The following GRAP2 variants were observed in gnomAD, a reference collection of about 807,000 sequenced individuals.
GRAP2 encodes GRB2-related adapter protein 2.
GRAP2 carries 31 observed loss-of-function variants against 43.5 expected under a neutral mutation model. That is an observed-to-expected ratio of 0.71 (90% CI 0.54 to 0.96). GRAP2 has a LOEUF of 0.96. Ranked by LOEUF, GRAP2 falls within the 40% of genes least tolerant of loss-of-function variation. The probability of loss-of-function intolerance (pLI) is 0.00; values close to 1 mark genes in which losing one functional copy is unlikely to be tolerated. For synonymous variants in GRAP2, 156 were observed against 164.8 expected (o/e 0.95, Z 0.41); for missense variants, 371 against 424.4 (o/e 0.87, Z 1.11).
chr22:39,905,082 G>A (rs1345064605), intron 1 of GRAP2, among the ~76,000 whole-genome samples: 1 of 152,116 alleles, frequency 6.6e-6, no homozygotes, highest in African/African-American at 2.4e-5. Context: ...TAGTGATCTT[G>A]CTCAGAGGAT....
intron 6 of GRAP2, chr22:39,968,477 ACACT>A (rs2067200797): frequency 3.5e-6 from 2 of 573,912 alleles, no homozygotes; most frequent in Admixed American, 3.1e-5. Context: ...ACACACACAC[ACACT>A]GTCTCACACA....
intron 2 of GRAP2, among the ~76,000 whole-genome samples, chr22:39,955,095 A>C (rs1447517456): frequency 1.3e-5 from 2 of 152,244 alleles, no homozygotes; most frequent in Admixed American, 6.5e-5. Flanking sequence ...CTGGTGGCTC[A>C]CGCCTGTAAT....
chr22:39,898,766 T>C (rs1449801598), upstream of GRAP2, among the ~76,000 whole-genome samples: 1 of 152,152 alleles, frequency 6.6e-6, no homozygotes, highest in African/African-American at 2.4e-5. Context: ...TGAGCCAAGA[T>C]TGCGTCACTG....
At chr22:39,970,778 G>C in intron 7 of GRAP2, 127 bp from the exon 8 acceptor site, 1 of 860,924 alleles carries the variant, frequency 1.2e-6, no homozygotes, top group Non-Finnish European at 1.7e-6. Flanking sequence ...TTTTTAAGCT[G>C]CAGAGGGGTC....
Position 39,968,197 on chromosome 22 carries a change from G to A in GRAP2, c.615G>A (p.Pro205=), listed in dbSNP as rs368460378. The A allele has an allele frequency of 5.0e-6, 8 of 1,609,652 alleles. No individual in the cohort carries two copies. Among genetic ancestry groups the A allele is most frequent in the East Asian group, 4.5e-5 (2 of 44,776 alleles). ...LQQHQHQPQP[P]QYAPAPQQLQ... The stretch of plus-strand genomic sequence containing the variant: ...AGCACCAGCACCAGCCACAGCCTCC[G>A]CAATATGCCCCAGCGCCCCAGCAGC... The change falls in exon 6 of 8, where the codon CCG becomes CCA. Residue 205 remains proline (P), a synonymous_variant. Transcript: ENST00000344138.
At chr22:39,899,496 A>C (rs1377454655), upstream of GRAP2, among the ~76,000 whole-genome samples, 1 of 152,222 alleles carries the variant, frequency 6.6e-6, no homozygotes, top group African/African-American at 2.4e-5. Flanking sequence ...CAGTGTAATG[A>C]TCCAAGAAGG....
intron 1 of GRAP2, among the ~76,000 whole-genome samples, chr22:39,934,807 G>A (rs1304344328): frequency 6.6e-6 from 1 of 151,948 alleles, no homozygotes; most frequent in East Asian, 1.9e-4. Flanking sequence ...GGAGGTCAAG[G>A]CTACAGTGAC....
At position 39,951,922 on chromosome 22, in the gene GRAP2, T is replaced by C. The variant is rs147750831; in HGVS notation, c.79-3897T>C. Among the ~76,000 whole-genome samples the C allele has an allele frequency of 3.1e-3, 478 of 152,074 alleles. 4 individuals carry two copies. The highest frequency in any genetic ancestry group is 0.014 in the Middle Eastern group (4 of 292). On this transcript the variant is annotated intron_variant, in intron 2 of 7. Coordinates refer to ENST00000344138, the MANE Select transcript of GRAP2 (RefSeq NM_004810.4). ...GGTGGCGGAGAGAAATGGCTGGCAT[T>C]GTGGGATAATCTTTCAGTTTCTAGA...
chr22:39,927,565 G>A (rs182934301), intron 1 of GRAP2, among the ~76,000 whole-genome samples: 103 of 152,290 alleles, frequency 6.8e-4, no homozygotes, highest in East Asian at 1.7e-3. Context: ...GGTCAGGATC[G>A]GATATGAATG....
At chr22:39,925,059 G>A (rs1166552371) in intron 1 of GRAP2, among the ~76,000 whole-genome samples, 1 of 152,198 alleles carries the variant, frequency 6.6e-6, no homozygotes, top group African/African-American at 2.4e-5. Flanking sequence ...GTTACGGCAG[G>A]CAGGGTGGGG....
At chr22:39,910,804 C>T (rs1438627024) in intron 1 of GRAP2, among the ~76,000 whole-genome samples, 2 of 152,030 alleles carry the variant, frequency 1.3e-5, no homozygotes, top group African/African-American at 4.8e-5. Flanking sequence ...CTATTTCACT[C>T]GATCATTTTG....
chr22:39,900,392 A>G (rs1432937518), upstream of GRAP2, among the ~76,000 whole-genome samples: 1 of 152,224 alleles, frequency 6.6e-6, no homozygotes, highest in African/African-American at 2.4e-5. Context: ...AATTTTCTGT[A>G]AAAGATGCAA....
rs971138762 is a variant in GRAP2, at chr22:39,972,367, G to A, written c.*1283G>A. ...TTTGTGGGTATGGGTGTGTACCCCT[G>A]CAGGTGTGCACATGTGTGCTTGCAC... On this transcript the variant is annotated 3_prime_UTR_variant, in exon 8 of 8. Transcript: ENST00000344138. 2 of 152,336 alleles carry A rather than the reference G, an allele frequency of 1.3e-5. No individual in the cohort carries two copies. The highest frequency in any genetic ancestry group is 2.9e-5 in the Non-Finnish European group (2 of 68,088). The allele number at this position is 152,336 out of a possible 1,614,324, so 9.4% of individuals were successfully genotyped here. A position where few individuals can be genotyped will look rare whatever the true frequency, so the allele number is the denominator to read the frequency against.
chr22:39,965,210 C>T (rs1163329652), intron 4 of GRAP2, among the ~76,000 whole-genome samples: 18 of 152,122 alleles, frequency 1.2e-4, no homozygotes, highest in African/African-American at 4.3e-4. Context: ...ACCAACATGG[C>T]GAAACCCCGT....
chr22:39,971,136 G>A lies in GRAP2; in HGVS notation c.*52G>A. 1 of 1,436,656 alleles carries A rather than the reference G, an allele frequency of 7.0e-7. No homozygotes were observed. Among genetic ancestry groups the A allele is most frequent in the Non-Finnish European group, 9.6e-7 (1 of 1,040,316 alleles). The allele number at this position is 1,436,656 out of a possible 1,614,324, so 89.0% of individuals were successfully genotyped here. Reference sequence around the variant, plus strand: ...TCTGGAGCTGCCCACAAGAAAGAGGGCAAGGAAAAAAGGCTGGACTCCATG... The same window carrying A: ...TCTGGAGCTGCCCACAAGAAAGAGGACAAGGAAAAAAGGCTGGACTCCATG... On this transcript the variant is annotated 3_prime_UTR_variant, in exon 8 of 8. Coordinates refer to ENST00000344138, the MANE Select transcript of GRAP2 (RefSeq NM_004810.4).
chr22:39,931,270 C>A (rs1024460539), intron 1 of GRAP2, among the ~76,000 whole-genome samples: 1 of 152,106 alleles, frequency 6.6e-6, no homozygotes, highest in African/African-American at 2.4e-5. Flanking sequence ...ATAGAAATCA[C>A]CAATTCCTGG....
At chr22:39,936,638 G>A (rs2066809284) in intron 1 of GRAP2, among the ~76,000 whole-genome samples, 1 of 152,018 alleles carries the variant, frequency 6.6e-6, no homozygotes, top group Non-Finnish European at 1.5e-5. Flanking sequence ...GTTGATGAAG[G>A]GAAAGGTAAG....
intron 5 of GRAP2, 69 bp downstream of exon 5, chr22:39,966,227 AG>A: frequency 1.6e-6 from 2 of 1,228,426 alleles, no homozygotes; most frequent in Non-Finnish European, 2.4e-6. Context: ...ATGAACCACC[AG>A]GAAAAATGCA....
intron 1 of GRAP2, among the ~76,000 whole-genome samples, chr22:39,941,336 T>C (rs946485661): frequency 6.6e-6 from 1 of 152,196 alleles, no homozygotes; most frequent in Non-Finnish European, 1.5e-5. Context: ...ATCCCACGGA[T>C]GTGGAAATAG....
Sources: allele counts gnomAD v4.1 joint callset (sites outside exome capture counted in the v4.1 genomes callset), GRCh38; gene constraint gnomAD v4.1.1; transcripts MANE v1.5; gene names NCBI Gene and HGNC (gene_info 2026-07-23, HGNC 2026-07-21).